The following PARD3B variants were observed in gnomAD, a reference collection of about 807,000 sequenced individuals.
The protein encoded by PARD3B is partitioning defective 3 homolog B.
In PARD3B, 103 loss-of-function variants were observed where a neutral mutation model predicts 130.2. The ratio of observed to expected loss-of-function variants is 0.79; its 90% CI spans 0.67 to 0.93. The LOEUF is 0.93. Among genes scored for constraint, PARD3B ranks in the 40% least tolerant of loss-of-function variants. The pLI is 0.00. For synonymous variants in PARD3B, 583 were observed against 553.2 expected (o/e 1.05, Z -0.76); for missense variants, 1,609 against 1,499.2 (o/e 1.07, Z -1.21).
At chr2:204,819,431 C>T (rs775125435) in intron 2 of PARD3B, among the ~76,000 whole-genome samples, 7 of 152,194 alleles carry the variant, frequency 4.6e-5, no homozygotes, top group Non-Finnish European at 1.0e-4. Context: ...TGCATGTGTT[C>T]TGACTACTCC....
At chr2:204,888,275 T>C (rs2046328644) in intron 2 of PARD3B, among the ~76,000 whole-genome samples, 1 of 151,994 alleles carries the variant, frequency 6.6e-6, no homozygotes, top group African/African-American at 2.4e-5. Flanking sequence ...ACAGAGAATA[T>C]TGGGTGGCAA....
chr2:204,839,888 C>T (rs191490738), intron 2 of PARD3B, among the ~76,000 whole-genome samples: 394 of 152,206 alleles, frequency 2.6e-3, no homozygotes, highest in African/African-American at 8.9e-3. Flanking sequence ...TAGGTTTCTG[C>T]GGCTTTTAAT....
intron 18 of PARD3B, among the ~76,000 whole-genome samples, chr2:205,374,180 G>A (rs199662867): frequency 2.0e-4 from 29 of 143,392 alleles, no homozygotes; most frequent in East Asian, 4.0e-4. Context: ...GAGGAAAAAT[G>A]AAAAAAAAAA....
intron 21 of PARD3B, among the ~76,000 whole-genome samples, chr2:205,533,246 AAATAATGATCAT>A (rs2051683262): frequency 1.3e-5 from 2 of 152,214 alleles, no homozygotes; most frequent in Non-Finnish European, 2.9e-5. Flanking sequence ...GGCAGAAGGA[AAATAATGATCAT>A]AAATAAAACA....
chr2:205,048,295 A>C (rs1698941487), intron 4 of PARD3B: 1 of 152,190 alleles, frequency 6.6e-6, no homozygotes, highest in Admixed American at 6.5e-5. Flanking sequence ...TTGAAGAAAA[A>C]CAAAATCATT....
intron 2 of PARD3B, among the ~76,000 whole-genome samples, chr2:204,855,564 T>A (rs2044899603): frequency 6.7e-6 from 1 of 149,154 alleles, no homozygotes; most frequent in Admixed American, 6.7e-5. Context: ...TATATATATA[T>A]ATATATATAA....
chr2:204,631,490 T>C (rs1396693175), intron 1 of PARD3B, among the ~76,000 whole-genome samples: 1 of 152,172 alleles, frequency 6.6e-6, no homozygotes, highest in Non-Finnish European at 1.5e-5. Flanking sequence ...CCTCGTGATC[T>C]GCGTGCTTCA....
chr2:204,924,009 C>T (rs1402218800), intron 2 of PARD3B, among the ~76,000 whole-genome samples: 14 of 151,940 alleles, frequency 9.2e-5, no homozygotes, highest in Non-Finnish European at 2.1e-4. Flanking sequence ...CATGATATTT[C>T]AGGAAATATT....
chr2:204,938,669 C>T (rs1313490369), intron 2 of PARD3B, among the ~76,000 whole-genome samples: 2 of 152,206 alleles, frequency 1.3e-5, no homozygotes, highest in African/African-American at 4.8e-5. Context: ...TAAAACATAC[C>T]ATTCCTCAAT....
chr2:205,219,178 C>G (rs1192810640), intron 15 of PARD3B, among the ~76,000 whole-genome samples: 2 of 151,922 alleles, frequency 1.3e-5, no homozygotes, highest in African/African-American at 2.4e-5. Context: ...CAACTTTGTT[C>G]GAGATTCTTA....
At chr2:205,413,235 CT>C (rs2046660271) in intron 19 of PARD3B, among the ~76,000 whole-genome samples, 1 of 152,068 alleles carries the variant, frequency 6.6e-6, no homozygotes, top group South Asian at 2.1e-4. Flanking sequence ...CTTAAAGTAC[CT>C]AGAACTGTGC....
intron 1 of PARD3B, among the ~76,000 whole-genome samples, chr2:204,587,815 C>T (rs2032893535): frequency 6.6e-6 from 1 of 152,154 alleles, no homozygotes; most frequent in South Asian, 2.1e-4. Context: ...GTAATTGAAT[C>T]ATGGCGGTAG....
intron 18 of PARD3B, among the ~76,000 whole-genome samples, chr2:205,374,276 G>C (rs181989953): frequency 6.6e-6 from 1 of 151,832 alleles, no homozygotes; most frequent in East Asian, 1.9e-4. Context: ...TTTCTCGGTA[G>C]CCCAGGCTGG....
In PARD3B at chr2:205,455,000, G is replaced by C. The variant is rs1354990738; in HGVS notation, c.3044+14328G>C. Reference sequence around the variant, plus strand: ...TTATATACAACATTTATATTAATTAGTATTTATTTACACTGTGGTTTAAGA... The same window carrying C: ...TTATATACAACATTTATATTAATTACTATTTATTTACACTGTGGTTTAAGA... On this transcript the variant is annotated intron_variant, in intron 20 of 22. Coordinates refer to ENST00000406610, the MANE Select transcript of PARD3B (RefSeq NM_001302769.2). 2.6e-5 allele frequency among the ~76,000 whole-genome samples: 4 copies of C among 152,094 alleles called. No individual in the cohort carries two copies. In the East Asian group the frequency reaches 7.7e-4, roughly 29 times the overall value.
intron 2 of PARD3B, among the ~76,000 whole-genome samples, chr2:204,869,959 A>C (rs1291084391): frequency 2.6e-5 from 4 of 152,162 alleles, no homozygotes; most frequent in Admixed American, 6.6e-5. Context: ...TACCTCAGCC[A>C]CTGGTCAGCA....
Position 205,077,632 on chromosome 2 carries a change from T to G in PARD3B, c.505-26794T>G, listed in dbSNP as rs936465982. ...CCAAATCTTATTTTTAATGAAATAT[T>G]ATATGATTCCAAGGAAATTTAAACC... is the stretch of plus-strand genomic sequence containing the variant. On this transcript the variant is annotated intron_variant, in intron 4 of 22. Coordinates refer to ENST00000406610, the MANE Select transcript of PARD3B (RefSeq NM_001302769.2). Among the ~76,000 whole-genome samples, 64 of 152,150 alleles carry G rather than the reference T, an allele frequency of 4.2e-4. 1 individual carries two copies. The highest frequency in any genetic ancestry group is 7.3e-5 in the Non-Finnish European group (5 of 68,032).
At chr2:205,438,577 G>A (rs1443355268) in intron 19 of PARD3B, among the ~76,000 whole-genome samples, 1 of 152,130 alleles carries the variant, frequency 6.6e-6, no homozygotes, top group Non-Finnish European at 1.5e-5. Context: ...TCTGATAATC[G>A]AGTCTGCACT....
chr2:205,240,103 A>G (rs73068905), intron 15 of PARD3B, among the ~76,000 whole-genome samples: 6,924 of 152,260 alleles, frequency 0.045, 488 homozygotes, highest in African/African-American at 0.16. Context: ...TTAATGCAGT[A>G]ATAGTTCATG....
intron 16 of PARD3B, among the ~76,000 whole-genome samples, chr2:205,296,994 T>A (rs2041822369): frequency 6.6e-6 from 1 of 152,104 alleles, no homozygotes; most frequent in African/African-American, 2.4e-5. Context: ...TTATGTGAGA[T>A]CCTTCTTTTA....
Sources: allele counts gnomAD v4.1 joint callset (sites outside exome capture counted in the v4.1 genomes callset), GRCh38; gene constraint gnomAD v4.1.1; transcripts MANE v1.5; gene names NCBI Gene and HGNC (gene_info 2026-07-23, HGNC 2026-07-21).